Variants in PDE10A observed in about 807,000 individuals in gnomAD.
PDE10A encodes cAMP and cAMP-inhibited cGMP 3',5'-cyclic phosphodiesterase 10A.
In PDE10A, 39 loss-of-function variants were observed where a neutral mutation model predicts 97.7. The ratio of observed to expected loss-of-function variants is 0.40; its 90% CI spans 0.31 to 0.52. PDE10A has a LOEUF of 0.52. PDE10A is among the 20% of genes least tolerant of loss of function. PDE10A has a pLI of 0.56. For synonymous variants in PDE10A, 371 were observed against 376.8 expected (o/e 0.98, Z 0.18); for missense variants, 731 against 1,047.8 (o/e 0.70, Z 4.17).
chr6:165,541,816 C>T (rs1783457188), intron 2 of PDE10A, among the ~76,000 whole-genome samples: 1 of 152,060 alleles, frequency 6.6e-6, no homozygotes, highest in South Asian at 2.1e-4. Context: ...CTCTTCTCCC[C>T]TCCCTCTCAA....
intron 1 of PDE10A, among the ~76,000 whole-genome samples, chr6:165,724,711 T>A (rs1446360410): frequency 1.3e-5 from 2 of 152,154 alleles, no homozygotes; most frequent in Admixed American, 1.3e-4. Flanking sequence ...TATAATCCAA[T>A]GAGGTTTACT....
chr6:165,548,984 T>C (rs1266456568), intron 1 of PDE10A, among the ~76,000 whole-genome samples: 2 of 148,806 alleles, frequency 1.3e-5, no homozygotes, highest in African/African-American at 5.1e-5. Flanking sequence ...TATCCTTAAC[T>C]GGTGCTCAAA....
intron 1 of PDE10A, among the ~76,000 whole-genome samples, chr6:165,793,565 T>C (rs1778718286): frequency 6.6e-6 from 1 of 152,060 alleles, no homozygotes. Context: ...CAACCTGTGC[T>C]CTCCACACCC....
At chr6:165,344,741 T>C (rs939304982) in intron 18 of PDE10A, among the ~76,000 whole-genome samples, 1 of 152,198 alleles carries the variant, frequency 6.6e-6, no homozygotes, top group Non-Finnish European at 1.5e-5. Flanking sequence ...GCTCGCTTCC[T>C]TTAGCCCATT....
chr6:165,486,121 C>A (rs1779902787), intron 2 of PDE10A, among the ~76,000 whole-genome samples: 1 of 152,156 alleles, frequency 6.6e-6, no homozygotes, highest in Non-Finnish European at 1.5e-5. Context: ...ATTAATGAAT[C>A]ACCAATGGCA....
intron 2 of PDE10A, among the ~76,000 whole-genome samples, chr6:165,498,256 A>T (rs935094157): frequency 1.3e-5 from 2 of 151,290 alleles, no homozygotes; most frequent in African/African-American, 4.9e-5. Context: ...ACAAAAAATT[A>T]AAAAATAGCC....
chr6:165,440,533 G>GT (rs1167499415), intron 5 of PDE10A, among the ~76,000 whole-genome samples: 2 of 152,182 alleles, frequency 1.3e-5, no homozygotes, highest in Non-Finnish European at 2.9e-5. Context: ...AGAAAGCACA[G>GT]TAACTTTGGA....
intron 1 of PDE10A, among the ~76,000 whole-genome samples, chr6:165,839,918 C>G (rs1780191844): frequency 6.9e-6 from 1 of 145,946 alleles, no homozygotes; most frequent in Non-Finnish European, 1.5e-5. Flanking sequence ...ACTCCATCCC[C>G]AACCTCATCT....
chr6:165,433,733 G>C (rs1157821264), intron 6 of PDE10A, among the ~76,000 whole-genome samples: 1 of 151,942 alleles, frequency 6.6e-6, no homozygotes, highest in Non-Finnish European at 1.5e-5. Flanking sequence ...GAAGTACAGG[G>C]GGCCGGGCGC....
intron 1 of PDE10A, among the ~76,000 whole-genome samples, chr6:165,715,130 C>G (rs1791994659): frequency 6.6e-6 from 1 of 152,238 alleles, no homozygotes; most frequent in South Asian, 2.1e-4. Context: ...TGCAGCAGGG[C>G]TCAGTGACCA....
At chr6:165,752,069 G>C (rs1464219274) in intron 1 of PDE10A, among the ~76,000 whole-genome samples, 2 of 150,072 alleles carry the variant, frequency 1.3e-5, no homozygotes, top group Non-Finnish European at 3.0e-5. Flanking sequence ...TGTGAACCCG[G>C]GAGCCGGAGC....
intron 1 of PDE10A, among the ~76,000 whole-genome samples, chr6:165,941,556 C>A (rs772827797): frequency 6.6e-6 from 1 of 152,120 alleles, no homozygotes; most frequent in Non-Finnish European, 1.5e-5. Context: ...GAGGTGGATC[C>A]CTCACGGCTT....
chr6:165,591,562 G>T (rs1786271079), intron 1 of PDE10A, among the ~76,000 whole-genome samples: 1 of 152,182 alleles, frequency 6.6e-6, no homozygotes, highest in African/African-American at 2.4e-5. Context: ...ACCTCCACAA[G>T]CATTACTCAC....
chr6:165,944,163 C>G (rs213996), intron 1 of PDE10A, among the ~76,000 whole-genome samples: 27,078 of 152,124 alleles, frequency 0.18, 2,784 homozygotes, highest in South Asian at 0.28. Flanking sequence ...CATCAGATCT[C>G]ATGAGAACTC....
intron 1 of PDE10A, among the ~76,000 whole-genome samples, chr6:165,635,275 C>T (rs1248571065): frequency 1.3e-5 from 2 of 152,176 alleles, no homozygotes; most frequent in African/African-American, 4.8e-5. Context: ...ACGTGCCTAA[C>T]ATAGAGATTG....
chr6:165,823,174 T>C (rs994948219), intron 1 of PDE10A, among the ~76,000 whole-genome samples: 1 of 151,796 alleles, frequency 6.6e-6, no homozygotes, highest in Admixed American at 6.6e-5. Flanking sequence ...TCCAAAAGGG[T>C]CCAAACACTT....
intron 2 of PDE10A, among the ~76,000 whole-genome samples, chr6:165,491,858 A>G (rs1394736174): frequency 6.6e-6 from 1 of 152,146 alleles, no homozygotes; most frequent in Non-Finnish European, 1.5e-5. Flanking sequence ...AATAAGCAAG[A>G]TCAGAGCAGA....
At chr6:165,974,738 T>C (rs763656922) in intron 1 of PDE10A, among the ~76,000 whole-genome samples, 61 of 152,146 alleles carry the variant, frequency 4.0e-4, no homozygotes, top group Non-Finnish European at 4.4e-4. Context: ...AGAACATTTG[T>C]ACTAAATTTT....
intron 1 of PDE10A, among the ~76,000 whole-genome samples, chr6:165,842,366 G>A: frequency 6.6e-6 from 1 of 152,282 alleles, no homozygotes; most frequent in Non-Finnish European, 1.5e-5. Flanking sequence ...ACCCATTAGA[G>A]TCCCTCAACA....
Sources: allele counts gnomAD v4.1 joint callset (sites outside exome capture counted in the v4.1 genomes callset), GRCh38; gene constraint gnomAD v4.1.1; transcripts MANE v1.5; gene names NCBI Gene and HGNC (gene_info 2026-07-23, HGNC 2026-07-21).